The following MTRF1 variants were observed in gnomAD, a reference collection of about 807,000 sequenced individuals.
MTRF1 encodes mitochondrial translation release factor 1, also known as peptide chain release factor 1, mitochondrial.
A neutral mutation model predicts 62.9 loss-of-function variants in MTRF1; 51 were observed. That is an observed-to-expected ratio of 0.81 (90% CI 0.65 to 1.02). The LOEUF (loss-of-function observed/expected upper bound fraction) is 1.02. Ranked by LOEUF, MTRF1 falls within the 50% of genes least tolerant of loss-of-function variation. The probability of loss-of-function intolerance (pLI) is 0.00; values close to 1 mark genes in which losing one functional copy is unlikely to be tolerated. For synonymous variants in MTRF1, 158 were observed against 181.9 expected (o/e 0.87, Z 1.06); for missense variants, 446 against 530.0 (o/e 0.84, Z 1.56).
At chr13:41,249,018 G>T (rs1233673135) in intron 5 of MTRF1, among the ~76,000 whole-genome samples, 3 of 151,978 alleles carry the variant, frequency 2.0e-5, no homozygotes, top group Non-Finnish European at 2.9e-5. Flanking sequence ...GACTTTGAAA[G>T]TCACTTAATG....
chr13:41,276,851 T>C, the MTRF1 span, among the ~76,000 whole-genome samples: 1 of 152,146 alleles, frequency 6.6e-6, no homozygotes. Context: ...TAGAACCTAT[T>C]GTCCTTTTGA....
chr13:41,311,968 C>T, the MTRF1 span, among the ~76,000 whole-genome samples: 2 of 152,250 alleles, frequency 1.3e-5, no homozygotes, highest in Non-Finnish European at 2.9e-5. Context: ...CCAGTCTCTC[C>T]TCGGCTAGGT....
chr13:41,239,940 TGCC>T (rs2138947059), intron 6 of MTRF1, among the ~76,000 whole-genome samples: 1 of 152,166 alleles, frequency 6.6e-6, no homozygotes, highest in African/African-American at 2.4e-5. Context: ...ACAGGCGGAC[TGCC>T]CGAGGTCAGG....
At chr13:41,311,133 G>T in the MTRF1 span, 1 of 295,812 alleles carries the variant, frequency 3.4e-6, no homozygotes, top group South Asian at 4.4e-5. Flanking sequence ...GCGGCGAGGA[G>T]AGCCGCAGCA....
intron 3 of MTRF1, 72 bp downstream of exon 3, chr13:41,254,457 G>T: frequency 9.1e-7 from 1 of 1,099,560 alleles, no homozygotes; most frequent in Non-Finnish European, 1.4e-6. Context: ...TATGAGCACC[G>T]AAGCAGAGTC....
chr13:41,277,950 AT>A, the MTRF1 span, among the ~76,000 whole-genome samples: 1 of 152,256 alleles, frequency 6.6e-6, no homozygotes, highest in Admixed American at 6.5e-5. Flanking sequence ...CCAAATGTAT[AT>A]TTCACTGTAC....
chr13:41,298,383 A>ATACATTTATTCTGATAGGT, the MTRF1 span, among the ~76,000 whole-genome samples: 1 of 151,964 alleles, frequency 6.6e-6, no homozygotes, highest in South Asian at 2.1e-4. Flanking sequence ...GTAAGTTAGC[A>ATACATTTATTCTGATAGGT]CTATTACGAA....
chr13:41,223,810 A>G (rs965213736), intron 8 of MTRF1, among the ~76,000 whole-genome samples: 4 of 152,090 alleles, frequency 2.6e-5, no homozygotes, highest in African/African-American at 4.8e-5. Context: ...CCCATTTCCA[A>G]TTGGTTTCAT....
At chr13:41,306,952 T>A in the MTRF1 span, among the ~76,000 whole-genome samples, 1 of 152,216 alleles carries the variant, frequency 6.6e-6, no homozygotes, top group Non-Finnish European at 1.5e-5. Context: ...TATAACCCCA[T>A]TTTCTGTTGA....
the MTRF1 span, among the ~76,000 whole-genome samples, chr13:41,270,401 A>T: frequency 6.6e-6 from 1 of 152,188 alleles, no homozygotes; most frequent in Non-Finnish European, 1.5e-5. Flanking sequence ...TCTTTTAGAC[A>T]TTTTCAGTAG....
rs532100026 is a variant in MTRF1, at chr13:41,225,235, G to A, written c.1125+1197C>T. On this transcript the variant is annotated intron_variant, in intron 8 of 9. Coordinates refer to ENST00000379480, the MANE Select transcript of MTRF1 (RefSeq NM_004294.4). ...AAAAAAAAAAAAAAAAAAACTTTGT[G>A]CAACGCCTGGTGCCAAAATGTTAAA... is the stretch of plus-strand genomic sequence containing the variant. Among the ~76,000 whole-genome samples, 26 of 149,366 alleles carry A rather than the reference G, an allele frequency of 1.7e-4. 1 individual carries two copies. In the East Asian group the frequency reaches 4.9e-3, roughly 28 times the overall value.
At chr13:41,233,759 T>C (rs2035997730) in intron 7 of MTRF1, 131 bp downstream of exon 7, 2 of 724,648 alleles carry the variant, frequency 2.8e-6, no homozygotes, top group Non-Finnish European at 4.8e-6. Flanking sequence ...ATAGCCATCC[T>C]GATCCACAAC....
chr13:41,243,017 G>A (rs7318765), intron 5 of MTRF1, among the ~76,000 whole-genome samples: 108,202 of 151,854 alleles, frequency 0.71, 38,863 homozygotes, highest in African/African-American at 0.73. Flanking sequence ...TCAGGAGTTC[G>A]AGACCAGCCT....
At chr13:41,257,521 C>A (rs1465472685) in intron 2 of MTRF1, among the ~76,000 whole-genome samples, 3 of 152,182 alleles carry the variant, frequency 2.0e-5, no homozygotes, top group Non-Finnish European at 4.4e-5. Flanking sequence ...CCTTGCTTCT[C>A]CCCTCGCTGG....
chr13:41,268,273 T>C (rs2040862902), upstream of MTRF1, among the ~76,000 whole-genome samples: 2 of 152,224 alleles, frequency 1.3e-5, no homozygotes, highest in Non-Finnish European at 2.9e-5. Flanking sequence ...GTAATTTTTA[T>C]ACCAAATAAG....
chr13:41,272,421 T>C, the MTRF1 span, among the ~76,000 whole-genome samples: 97 of 152,334 alleles, frequency 6.4e-4, no homozygotes, highest in African/African-American at 2.2e-3. Flanking sequence ...GGTTTTTGTT[T>C]TTCCTCTTTT....
intron 2 of MTRF1, among the ~76,000 whole-genome samples, chr13:41,258,575 C>CAAAAAAAAAAAAA (rs11320576): frequency 2.3e-5 from 3 of 133,108 alleles, no homozygotes; most frequent in Non-Finnish European, 3.2e-5. Context: ...AAAAAAAAAA[C>CAAAAAAAAAAAAA]AAAAAAAAAA....
intron 7 of MTRF1, among the ~76,000 whole-genome samples, chr13:41,227,961 C>T (rs777478525): frequency 6.6e-6 from 1 of 152,164 alleles, no homozygotes; most frequent in African/African-American, 2.4e-5. Flanking sequence ...TCTTGACTCT[C>T]GTATCCTTTT....
At position 41,254,519 on chromosome 13, in the gene MTRF1, G is replaced by A; in HGVS notation, c.507+10C>T. On this transcript the variant is annotated intron_variant, in intron 3 of 9. Transcript: ENST00000379480. ...GCACTATTGAAACTAGTCGACCTCTGAAAACCTACCTCATTGTACAACATG... is the reference window on the plus strand; with the variant it reads ...GCACTATTGAAACTAGTCGACCTCTAAAAACCTACCTCATTGTACAACATG... 1 of 1,609,114 alleles carries A rather than the reference G, an allele frequency of 6.2e-7. No individual in the cohort carries two copies. The highest frequency in any genetic ancestry group is 2.2e-5 in the East Asian group (1 of 44,766).
Sources: gnomAD v4.1 joint callset for allele counts (sites outside exome capture counted in the v4.1 genomes callset) on GRCh38, gnomAD v4.1.1 for gene constraint, MANE v1.5 for transcripts, NCBI Gene and HGNC (gene_info 2026-07-23, HGNC 2026-07-21) for gene names.